Variants in CEP350 observed in about 807,000 individuals in gnomAD.
The protein encoded by CEP350 is centrosomal protein 350, also known as centrosome-associated protein 350.
In CEP350, 126 loss-of-function variants were observed where a neutral mutation model predicts 331.8. That is an observed-to-expected ratio of 0.38 (90% confidence interval 0.33 to 0.44). CEP350 has a LOEUF of 0.44. CEP350 is among the 20% of genes least tolerant of loss of function. CEP350 has a pLI of 1.00. For synonymous variants in CEP350, 1,200 were observed against 1,259.5 expected (o/e 0.95, Z 1.00); for missense variants, 3,406 against 3,634.6 (o/e 0.94, Z 1.62).
chr1:180,021,556 G>T (rs528180156), intron 12 of CEP350, among the ~76,000 whole-genome samples: 416 of 152,210 alleles, frequency 2.7e-3, no homozygotes, highest in African/African-American at 9.5e-3. Context: ...TACTTGGGAG[G>T]CTGAGGCACG....
At chr1:180,070,838 T>C (rs1049426533) in intron 27 of CEP350, among the ~76,000 whole-genome samples, 5 of 152,122 alleles carry the variant, frequency 3.3e-5, no homozygotes, top group Non-Finnish European at 7.4e-5. Flanking sequence ...AAGTTCAGAG[T>C]GTGAAAGTGT....
At chr1:179,986,071 G>C (rs190890659) in intron 1 of CEP350, 98 bp from the exon 2 acceptor site, 11 of 900,978 alleles carry the variant, frequency 1.2e-5, no homozygotes, top group Admixed American at 9.7e-5. Context: ...CATCCTAATG[G>C]GTGTGAAGTA....
chr1:180,018,104 C>G (rs961587701), intron 11 of CEP350, among the ~76,000 whole-genome samples: 4 of 152,204 alleles, frequency 2.6e-5, no homozygotes, highest in Admixed American at 2.6e-4. Flanking sequence ...CTCTTGGACT[C>G]AAGTGATCCT....
At position 180,013,888 on chromosome 1, in the gene CEP350, G is replaced by A. The variant is rs532150081; in HGVS notation, c.1435G>A (p.Val479Ile). The A allele has an allele frequency of 1.4e-5, 23 of 1,613,196 alleles. No homozygotes were observed. The Admixed American group carries it at 2.8e-4, about 20-fold the overall frequency. The change falls in exon 10 of 38, where the codon GTT (valine) becomes ATT (isoleucine). Residue 479 changes from valine to isoleucine, a missense_variant. Transcript: ENST00000367607. ...GRAESDPRLD[V>I]LHRHLQRNSE... ...AGCAGAATCTGATCCCAGGTTGGAC[G>A]TTTTACATAGACATCTTCAAAGAAA... is the stretch of plus-strand genomic sequence containing the variant.
At chr1:180,048,836 A>AG in intron 22 of CEP350, 131 bp downstream of exon 22, 1 of 703,594 alleles carries the variant, frequency 1.4e-6, no homozygotes, top group Non-Finnish European at 2.4e-6. Flanking sequence ...TGGGAGGCTG[A>AG]GCTGGGAGAA....
intron 34 of CEP350, among the ~76,000 whole-genome samples, chr1:180,094,987 T>C (rs1332812362): frequency 1.3e-5 from 2 of 152,228 alleles, no homozygotes; most frequent in African/African-American, 4.8e-5. Context: ...TTCCAGTGGC[T>C]CACCACCCAA....
chr1:180,000,387 A>G (rs1360531382), intron 6 of CEP350: 2 of 152,188 alleles, frequency 1.3e-5, no homozygotes, highest in East Asian at 3.8e-4. Context: ...TCCTCATGAA[A>G]AATCTGCAGT....
intron 9 of CEP350, among the ~76,000 whole-genome samples, chr1:180,013,274 G>T (rs1026779449): frequency 1.3e-5 from 2 of 152,074 alleles, no homozygotes; most frequent in African/African-American, 4.8e-5. Flanking sequence ...AAACTTACCT[G>T]AACATGGTGC....
In CEP350 at chr1:180,084,396, G is replaced by A. The variant is rs111829180; in HGVS notation, c.6285+218G>A. Reference sequence around the variant, plus strand: ...TTATTTATTTTTGAGATGGAATCTCGCTCTGTCGCCTAGGCTGGAGTGCAG... The same window carrying A: ...TTATTTATTTTTGAGATGGAATCTCACTCTGTCGCCTAGGCTGGAGTGCAG... On this transcript the variant is annotated intron_variant, in intron 31 of 37. Coordinates refer to ENST00000367607, the MANE Select transcript of CEP350 (RefSeq NM_014810.5). 2,835 of 313,330 alleles carry A rather than the reference G, an allele frequency of 9.0e-3. 78 individuals carry two copies. The highest frequency in any genetic ancestry group is 0.057 in the African/African-American group (2,605 of 45,446). 19.4% of individuals were successfully genotyped at this position (313,330 alleles called of 1,614,324 possible).
At position 180,062,384 on chromosome 1, in the gene CEP350, ATTAT is replaced by A; in HGVS notation, c.5409+21_5409+24del. On this transcript the variant is annotated intron_variant, in intron 26 of 37. Coordinates refer to ENST00000367607, the MANE Select transcript of CEP350 (RefSeq NM_014810.5). The stretch of plus-strand genomic sequence containing the variant: ...GTAAATTGGTAAACTACATGAAGTT[ATTAT>A]TTGTTTCCTGTCTTATTTTGATTGT... 1.3e-6 allele frequency: 2 copies of A among 1,573,922 alleles called. No individual in the cohort carries two copies. The highest frequency in any genetic ancestry group is 1.7e-6 in the Non-Finnish European group (2 of 1,160,672).
intron 11 of CEP350, among the ~76,000 whole-genome samples, chr1:180,016,658 ATG>A (rs1654995449): frequency 1.2e-5 from 1 of 86,716 alleles, no homozygotes; most frequent in African/African-American, 3.9e-5. Context: ...ATTTTGGGTT[ATG>A]TTTTTTTTTT....
At chr1:179,955,828 A>C (rs963883179) in intron 1 of CEP350, among the ~76,000 whole-genome samples, 3 of 152,266 alleles carry the variant, frequency 2.0e-5, no homozygotes, top group African/African-American at 7.2e-5. Context: ...CAAATCCTTC[A>C]TATGGGAAAA....
In CEP350 at chr1:180,044,639, G is replaced by A. The variant is rs1005950599; in HGVS notation, c.4622+466G>A. On this transcript the variant is annotated intron_variant, in intron 21 of 37. Transcript: ENST00000367607. ...GGGAATTGAACAATGAGAACACATG[G>A]ACACAGGAAGGGAAACATCACACTC... Among the ~76,000 whole-genome samples, 140 of 131,600 alleles carry A rather than the reference G, an allele frequency of 1.1e-3. 1 individual carries two copies. The highest frequency in any genetic ancestry group is 3.9e-3 in the African/African-American group (136 of 34,968). The allele number at this position is 131,600 out of a possible 152,430, so 86.3% of individuals were successfully genotyped here. A position where few individuals can be genotyped will look rare whatever the true frequency, so the allele number is the denominator to read the frequency against.
Position 179,992,210 on chromosome 1 carries a change from G to A in CEP350, c.384G>A (p.Leu128=). 1 of 1,498,970 alleles carries A rather than the reference G, an allele frequency of 6.7e-7. No homozygotes were observed. The allele number at this position is 1,498,970 out of a possible 1,614,324, so 92.9% of individuals were successfully genotyped here. A position where few individuals can be genotyped will look rare whatever the true frequency, so the allele number is the denominator to read the frequency against. The change falls in exon 5 of 38, where the codon TTG becomes TTA. Residue 128 remains leucine (L), a synonymous_variant. Transcript: ENST00000367607. The part of the protein sequence containing the change: ...KNNRVEFREP[L]VSYREIHGAP... ...ATCGTGTGGAATTTCGTGAACCTTT[G>A]GTTTCTTATAGGTTAGTATTGAGAA...
intron 4 of CEP350, among the ~76,000 whole-genome samples, chr1:179,991,679 G>A (rs1449018024): frequency 9.1e-6 from 1 of 109,442 alleles, no homozygotes; most frequent in Admixed American, 1.3e-4. Flanking sequence ...GTGTGTGTGT[G>A]TGTGTGTGTG....
At position 180,006,498 on chromosome 1, in the gene CEP350, A is replaced by T; in HGVS notation, c.1177A>T (p.Lys393Ter). ...GAAACCTGCTGAAAAAAGTAAAGAGAAGAAAGTAGTCAAGCCAGTACGAAA... is the reference window on the plus strand; with the variant it reads ...GAAACCTGCTGAAAAAAGTAAAGAGTAGAAAGTAGTCAAGCCAGTACGAAA... Reference protein sequence around the residue: ...KEKPAEKSKEKKVVKPVRKVQ... With the variant: ...KEKPAEKSKE Residue 393 changes from lysine to a stop codon, truncating the protein, a stop_gained, in exon 8 of 38, where the codon AAG becomes TAG. Transcript: ENST00000367607. LOFTEE classifies it high-confidence loss of function. The T allele has an allele frequency of 6.4e-7, 1 of 1,552,006 alleles. No individual in the cohort carries two copies. The highest frequency in any genetic ancestry group is 8.7e-7 in the Non-Finnish European group (1 of 1,145,758).
At chr1:180,025,925 A>G (rs1324892898) in intron 14 of CEP350, among the ~76,000 whole-genome samples, 1 of 152,216 alleles carries the variant, frequency 6.6e-6, no homozygotes, top group Non-Finnish European at 1.5e-5. Context: ...TAAAAAATAC[A>G]TAAAATAAAT....
rs1011625094 is a variant in CEP350 at position 180,112,699 on chromosome 1, A to G, written c.*1538A>G. ...GGATTCATATTTACAAATATCCTGG[A>G]ATGTTATAGCTTCAAAGTATATTAG... On this transcript the variant is annotated 3_prime_UTR_variant, in exon 38 of 38. Transcript: ENST00000367607. 5 of 152,634 alleles carry G rather than the reference A, an allele frequency of 3.3e-5. No homozygotes were observed. 9.5% of individuals were successfully genotyped at this position (152,634 alleles called of 1,614,324 possible). A position where few individuals can be genotyped will look rare whatever the true frequency, so the allele number is the denominator to read the frequency against.
Position 180,014,158 on chromosome 1 carries a change from G to A in CEP350, c.1705G>A (p.Val569Ile), listed in dbSNP as rs964803685. The change falls in exon 10 of 38, where the codon GTA (valine) becomes ATA (isoleucine). Residue 569 changes from valine (V) to isoleucine (I), a missense_variant. Physicochemically the swap from Val to Ile is conservative, Grantham distance 29. Transcript: ENST00000367607. ...PVHAPRSHSP[V>I]KRKPDKITAN... ...ACATGCTCCTAGGAGTCACAGCCCA[G>A]TAAAAAGAAAACCTGACAAAATAAC... 1 of 1,608,192 alleles carries A rather than the reference G, an allele frequency of 6.2e-7. No individual in the cohort carries two copies. Among genetic ancestry groups the A allele is most frequent in the African/African-American group, 1.3e-5 (1 of 74,788 alleles).
Sources: allele counts gnomAD v4.1 joint callset (sites outside exome capture counted in the v4.1 genomes callset), GRCh38; gene constraint gnomAD v4.1.1; transcripts MANE v1.5; gene names NCBI Gene and HGNC (gene_info 2026-07-23, HGNC 2026-07-21).